The following MAP7D2 variants were observed in gnomAD, a reference collection of about 807,000 sequenced individuals.
The protein encoded by MAP7D2 is MAP7 domain containing 2.
Under a neutral mutation model 63.5 loss-of-function variants are expected in MAP7D2, and 33 were observed. The ratio of observed to expected loss-of-function variants is 0.52; its 90% CI spans 0.39 to 0.70. MAP7D2 has a LOEUF of 0.70. Ranked by LOEUF, MAP7D2 falls within the 30% of genes least tolerant of loss-of-function variation. The pLI is 0.00. For synonymous variants in MAP7D2, 224 were observed against 223.7 expected, an observed-to-expected ratio of 1.00 and a Z score of -0.01; for missense variants, 626 against 604.0, an observed-to-expected ratio of 1.04 and a Z score of -0.38.
chrX:20,044,603 A>C, intron 6 of MAP7D2, 79 bp from the exon 7 acceptor site: 1 of 919,852 alleles, frequency 1.1e-6, no homozygotes, highest in Non-Finnish European at 1.6e-6. Flanking sequence ...GGAAGAACAC[A>C]TTTCTGTTAA....
At chrX:20,109,215 G>T (rs1344981269) in intron 1 of MAP7D2, among the ~76,000 whole-genome samples, 1 of 109,312 alleles carries the variant, frequency 9.1e-6, no homozygotes, top group Non-Finnish European at 1.9e-5. Flanking sequence ...ACAGTGGCAC[G>T]GGGGGTTAAA....
intron 2 of MAP7D2, 74 bp downstream of exon 2, chrX:20,064,654 T>C: frequency 2.2e-6 from 2 of 890,919 alleles, no homozygotes; most frequent in Non-Finnish European, 3.3e-6. Context: ...TTCACAAATT[T>C]CTAAGAATCT....
intron 10 of MAP7D2, among the ~76,000 whole-genome samples, chrX:20,020,812 C>T (rs115964454): frequency 0.023 from 2,518 of 111,910 alleles, 79 homozygotes; most frequent in African/African-American, 0.079. Flanking sequence ...AGCCTGCCTA[C>T]GTGACCTTGC....
chrX:20,030,847 T>C (rs115400133), intron 8 of MAP7D2, among the ~76,000 whole-genome samples: 2,739 of 111,792 alleles, frequency 0.025, 97 homozygotes, highest in African/African-American at 0.085. Flanking sequence ...ACTGACATCA[T>C]AGCCTCCTGA....
At chrX:20,018,129 G>A (rs1797887700) in intron 10 of MAP7D2, among the ~76,000 whole-genome samples, 1 of 110,228 alleles carries the variant, frequency 9.1e-6, no homozygotes, top group Non-Finnish European at 1.9e-5. Flanking sequence ...ACCATGTCTG[G>A]CTAATTTTGT....
chrX:20,116,658 C>G (rs1032484570), intron 1 of MAP7D2, 92 bp downstream of exon 1: 45 of 1,040,326 alleles, frequency 4.3e-5, no homozygotes, highest in Middle Eastern at 3.1e-4. Context: ...CCCTTCCCCC[C>G]ACGCTCGAGG....
intron 1 of MAP7D2, among the ~76,000 whole-genome samples, chrX:20,098,468 G>C (rs1452991734): frequency 8.9e-6 from 1 of 112,181 alleles, no homozygotes; most frequent in East Asian, 2.8e-4. Context: ...AAGTGGTGTA[G>C]GCCACAGAAA....
rs758115718 is a variant in MAP7D2 at position 20,012,399 on chromosome X, T to C, written c.2022A>G (p.Lys674=). 10 of 1,206,942 alleles carry C rather than the reference T, an allele frequency of 8.3e-6. No individual in the cohort carries two copies. Among genetic ancestry groups the C allele is most frequent in the Non-Finnish European group, 1.1e-5 (10 of 893,651 alleles). The change falls in exon 15 of 17, where the codon AAA becomes AAG. Residue 674 remains lysine, a synonymous_variant. Coordinates refer to ENST00000379643, the MANE Select transcript of MAP7D2 (RefSeq NM_001168465.2). ...CAGTTGAATCATCCAGGCTATTTGA[T>C]TTCCCATCAAGGGCATCCAGATGAA... The part of the protein sequence containing the change: ...GLIHLDALDG[K]SNSLDDSTEE...
intron 1 of MAP7D2, among the ~76,000 whole-genome samples, chrX:20,100,801 C>A (rs2148530735): frequency 9.0e-6 from 1 of 111,061 alleles, no homozygotes; most frequent in South Asian, 3.8e-4. Context: ...ACAGGCAGAT[C>A]ACCTGAGGTC....
chrX:20,069,204 C>T (rs2065435220), intron 1 of MAP7D2, among the ~76,000 whole-genome samples: 1 of 111,129 alleles, frequency 9.0e-6, no homozygotes, highest in African/African-American at 3.3e-5. Context: ...CATTTATCAT[C>T]TTTTTTTTAT....
At chrX:20,030,612 A>C (rs1054091369) in intron 8 of MAP7D2, among the ~76,000 whole-genome samples, 1 of 111,561 alleles carries the variant, frequency 9.0e-6, no homozygotes, top group African/African-American at 3.3e-5. Context: ...CCAATCTTGG[A>C]ATCTAGTTCC....
At chrX:20,110,662 CAAAA>C (rs1282020261) in intron 1 of MAP7D2, among the ~76,000 whole-genome samples, 2 of 33,059 alleles carry the variant, frequency 6.0e-5, no homozygotes, top group Admixed American at 4.0e-4. Context: ...GACTCTGTCT[CAAAA>C]AAAAAAAAAA....
At chrX:20,024,288 C>T (rs1274466290) in intron 10 of MAP7D2, among the ~76,000 whole-genome samples, 1 of 112,217 alleles carries the variant, frequency 8.9e-6, no homozygotes, top group African/African-American at 3.2e-5. Context: ...GGTTCTCAAA[C>T]CCTGGCAAGC....
chrX:20,106,988 G>GA (rs1158456187), intron 1 of MAP7D2, among the ~76,000 whole-genome samples: 43 of 88,498 alleles, frequency 4.9e-4, no homozygotes, highest in African/African-American at 5.0e-4. Context: ...CCTCTACAAA[G>GA]AAAAAAAAAA....
chrX:20,094,535 TA>T (rs2066183646), intron 1 of MAP7D2, among the ~76,000 whole-genome samples: 3 of 10,651 alleles, frequency 2.8e-4, no homozygotes, highest in African/African-American at 1.3e-3. Flanking sequence ...TATATATATA[TA>T]TATATGTATA....
At chrX:20,104,045 G>A (rs958849852) in intron 1 of MAP7D2, among the ~76,000 whole-genome samples, 4 of 111,756 alleles carry the variant, frequency 3.6e-5, no homozygotes, top group African/African-American at 6.5e-5. Flanking sequence ...GTTGAACAGG[G>A]TATAGTGAAA....
rs895104336 is a variant in MAP7D2, at chrX:20,099,504, C to T, written c.130+17246G>A. Among the ~76,000 whole-genome samples, 78 of 111,978 alleles carry T rather than the reference C, an allele frequency of 7.0e-4. 1 individual carries two copies. Among genetic ancestry groups the T allele is most frequent in the African/African-American group, 2.0e-3 (62 of 30,815 alleles). On this transcript the variant is annotated intron_variant, in intron 1 of 16. Coordinates refer to ENST00000379643, the MANE Select transcript of MAP7D2 (RefSeq NM_001168465.2). The stretch of plus-strand genomic sequence containing the variant: ...AATACTAATCCCACCTTCCGAGATT[C>T]TTTTCTAGTACGAAGACATCTGTGC...
chrX:20,071,855 A>G (rs2065511027), intron 1 of MAP7D2, among the ~76,000 whole-genome samples: 1 of 111,255 alleles, frequency 9.0e-6, no homozygotes, highest in Non-Finnish European at 1.9e-5. Flanking sequence ...GGGTCTTACT[A>G]TGCTGCCCCT....
intron 7 of MAP7D2, 123 bp from the exon 8 acceptor site, chrX:20,042,752 G>A (rs937231193): frequency 3.6e-5 from 30 of 838,219 alleles, no homozygotes; most frequent in Non-Finnish European, 4.7e-5. Context: ...AAGCTATAAC[G>A]CTTCACATGA....
Sources: gnomAD v4.1 joint callset for allele counts (sites outside exome capture counted in the v4.1 genomes callset) on GRCh38, gnomAD v4.1.1 for gene constraint, MANE v1.5 for transcripts, NCBI Gene and HGNC (gene_info 2026-07-23, HGNC 2026-07-21) for gene names.